The following GALK1 variants were observed in gnomAD, a reference collection of about 807,000 sequenced individuals.
GALK1 encodes the protein galactokinase.
Under a neutral mutation model 38.6 loss-of-function variants are expected in GALK1, and 30 were observed. That is an observed-to-expected ratio of 0.78 (90% CI 0.58 to 1.05). The LOEUF (loss-of-function observed/expected upper bound fraction) is 1.05, where lower values mean the gene tolerates loss of function less well. Among genes scored for constraint, GALK1 ranks in the 50% least tolerant of loss-of-function variants. The pLI is 0.00. For missense variants in GALK1, 512 were observed against 540.5 expected (o/e 0.95, Z 0.52); for synonymous variants, 240 against 233.6 (o/e 1.03, Z -0.25).
downstream of GALK1, chr17:75,754,965 T>C (rs1263325594): frequency 2.1e-5 from 32 of 1,542,202 alleles, no homozygotes; most frequent in East Asian, 6.9e-5. Context: ...TGCACACGCA[T>C]GCACACATGT....
At chr17:75,757,438 G>A (rs749047938), downstream of GALK1, 2 of 1,613,200 alleles carry the variant, frequency 1.2e-6, no homozygotes, top group East Asian at 2.2e-5. Flanking sequence ...TGGGGGCCCA[G>A]CACCTGGAGG....
At chr17:75,751,970 T>C (rs1217843849) in intron 8 of GALK1, 5 of 682,228 alleles carry the variant, frequency 7.3e-6, no homozygotes, top group African/African-American at 7.0e-5. Context: ...CAGAGTCCCT[T>C]GGAGGACTGG....
downstream of GALK1, chr17:75,753,986 A>G: frequency 1.7e-6 from 2 of 1,162,284 alleles, no homozygotes; most frequent in East Asian, 3.3e-5. Context: ...TGACAGGCTC[A>G]CCCGCCGCCC....
At chr17:75,757,844 G>A (rs2061556796), downstream of GALK1, 1 of 672,942 alleles carries the variant, frequency 1.5e-6, no homozygotes. Context: ...ATTCTTCTGG[G>A]GCCTGAGAGG....
At chr17:75,756,681 T>G (rs1278617985), downstream of GALK1, 1 of 1,613,406 alleles carries the variant, frequency 6.2e-7, no homozygotes, top group Admixed American at 1.7e-5. Context: ...CACAGGCTGA[T>G]GCTCTTCCTC....
downstream of GALK1, chr17:75,757,854 G>A (rs1468644639): frequency 1.5e-6 from 1 of 681,538 alleles, no homozygotes; most frequent in Non-Finnish European, 2.5e-6. Context: ...GGCCTGAGAG[G>A]TGCTCCCCTA....
At chr17:75,762,909 AGAT>A (rs749447166) in intron 4 of GALK1, 24 bp from the exon 5 acceptor site, 4 of 1,612,566 alleles carry the variant, frequency 2.5e-6, no homozygotes, top group Non-Finnish European at 3.4e-6. Flanking sequence ...ACAATGGGGG[AGAT>A]GACGAGGCCA....
At position 75,757,961 on chromosome 17, in the gene GALK1, T is replaced by C; in HGVS notation, c.*95A>G. On this transcript the variant is annotated 3_prime_UTR_variant, in exon 8 of 8. Transcript: ENST00000588479. Reference sequence around the variant, plus strand: ...GTACCACATTGGAGGCACAAGTTTATTGAGCACCCGGATATGGAAGATGGC... The same window carrying C: ...GTACCACATTGGAGGCACAAGTTTACTGAGCACCCGGATATGGAAGATGGC... 7.1e-7 allele frequency: 1 copy of C among 1,406,146 alleles called. No homozygotes were observed. The highest frequency in any genetic ancestry group is 9.9e-7 in the Non-Finnish European group (1 of 1,009,492). The allele number at this position is 1,406,146 out of a possible 1,614,324, so 87.1% of individuals were successfully genotyped here.
At chr17:75,762,083 G>A (rs1223107449) in intron 5 of GALK1, among the ~76,000 whole-genome samples, 1 of 152,158 alleles carries the variant, frequency 6.6e-6, no homozygotes, top group Non-Finnish European at 1.5e-5. Context: ...CCAACACTTT[G>A]GGAGGCCAAG....
rs1267331516 is a variant in GALK1 at position 75,758,251 on chromosome 17, G to T, written c.1066C>A (p.Leu356Met). The T allele has an allele frequency of 6.2e-7, 1 of 1,600,760 alleles. No homozygotes were observed. Among genetic ancestry groups the T allele is most frequent in the Non-Finnish European group, 8.5e-7 (1 of 1,174,818 alleles). The change falls in exon 7 of 8, where the codon CTG (leucine) becomes ATG (methionine). Residue 356 changes from leucine to methionine, a missense_variant. Transcript: ENST00000588479. ...GCGTGGGGAGCAGCGGAGGCCTCCA[G>T]CAGTGTCACCGTGCAGCCACCGAAG... ...GGFGGCTVTL[L>M]EASAAPHAMR...
downstream of GALK1, chr17:75,754,685 C>T (rs931501406): frequency 1.1e-5 from 18 of 1,614,038 alleles, no homozygotes; most frequent in African/African-American, 4.0e-5. Context: ...TGAGCCCACA[C>T]GTGCCCCACC....
chr17:75,755,875 G>A (rs1018052747), downstream of GALK1: 2 of 1,595,746 alleles, frequency 1.3e-6, no homozygotes, highest in South Asian at 2.2e-5. Context: ...CTGCCAGGCT[G>A]CGGGGTGCAG....
intron 8 of GALK1, chr17:75,752,025 G>A: frequency 1.2e-6 from 1 of 852,200 alleles, no homozygotes; most frequent in Non-Finnish European, 2.0e-6. Context: ...GGGCTCCGCA[G>A]GCGGCAATTC....
chr17:75,752,098 G>A (rs866623786), intron 8 of GALK1: 132 of 1,495,644 alleles, frequency 8.8e-5, no homozygotes, highest in African/African-American at 5.1e-4. Flanking sequence ...ATGCACGGCC[G>A]TCCTGCTGTG....
At chr17:75,759,502 C>T (rs1296057430) in intron 5 of GALK1, among the ~76,000 whole-genome samples, 1 of 151,512 alleles carries the variant, frequency 6.6e-6, no homozygotes, top group African/African-American at 2.4e-5. Context: ...GGGAAGAAAA[C>T]TGAGCATGTC....
Position 75,765,032 on chromosome 17 carries a change from C to T in GALK1, c.105G>A (p.Pro35=), listed in dbSNP as rs373829335. The T allele has an allele frequency of 1.2e-6, 2 of 1,609,786 alleles. No individual in the cohort carries two copies. The highest frequency in any genetic ancestry group is 1.3e-5 in the African/African-American group (1 of 74,976). Reference sequence around the variant, plus strand: ...GTTCCCCGATGAGGTTGACGCGGCCCGGCGCTGACACGGCCAGCTCGGGCT... The same window carrying T: ...GTTCCCCGATGAGGTTGACGCGGCCTGGCGCTGACACGGCCAGCTCGGGCT... The part of the protein sequence containing the change: ...GAEPELAVSA[P]GRVNLIGEHT... Residue 35 remains proline, a synonymous_variant, in exon 1 of 8, where the codon CCG becomes CCA. Coordinates refer to ENST00000588479, the MANE Select transcript of GALK1 (RefSeq NM_000154.2).
At chr17:75,755,326 AC>A (rs2061471769), downstream of GALK1, 4 of 1,164,298 alleles carry the variant, frequency 3.4e-6, no homozygotes, top group Non-Finnish European at 3.6e-6. Flanking sequence ...CATCCACAGG[AC>A]CCCCGCCTGC....
At chr17:75,757,851 G>A, downstream of GALK1, 1 of 679,372 alleles carries the variant, frequency 1.5e-6, no homozygotes, top group East Asian at 2.7e-5. Flanking sequence ...TGGGGCCTGA[G>A]AGGTGCTCCC....
chr17:75,754,604 T>C, downstream of GALK1: 1 of 1,613,824 alleles, frequency 6.2e-7, no homozygotes, highest in Non-Finnish European at 8.5e-7. Context: ...GGATGGACTT[T>C]GCCTTCCCGG....
Sources: allele counts gnomAD v4.1 joint callset (sites outside exome capture counted in the v4.1 genomes callset), GRCh38; gene constraint gnomAD v4.1.1; transcripts MANE v1.5; gene names NCBI Gene and HGNC (gene_info 2026-07-23, HGNC 2026-07-21).